The following PDE4D variants were observed in gnomAD, a reference collection of about 807,000 sequenced individuals.
PDE4D encodes 3',5'-cyclic-AMP phosphodiesterase 4D.
Under a neutral mutation model 87.4 loss-of-function variants are expected in PDE4D, and 24 were observed. The observed-to-expected ratio is 0.27, with a 90% CI of 0.20 to 0.39. The LOEUF is 0.39. PDE4D is among the 10% of genes least tolerant of loss of function. The pLI is 1.00. For missense variants in PDE4D, 714 were observed against 1,041.0 expected (o/e 0.69, Z 4.32); for synonymous variants, 384 against 383.2 (o/e 1.00, Z -0.02).
chr5:60,415,912 C>A lies in PDE4D; in HGVS notation c.-90+72030G>T, dbSNP rs533198438. 3.2e-4 allele frequency among the ~76,000 whole-genome samples: 49 copies of A among 152,354 alleles called. 1 individual carries two copies. The highest frequency in any genetic ancestry group is 3.2e-3 in the Admixed American group (49 of 15,308). The stretch of plus-strand genomic sequence containing the variant: ...GTGGGGACTTGGAGAATCTTTATGT[C>A]TAGCTAAGGGATTGTAAATGCACCA... On this transcript the variant is annotated intron_variant, in intron 1 of 16. Coordinates refer to the PDE4D transcript ENST00000502484.
intron 1 of PDE4D, among the ~76,000 whole-genome samples, chr5:59,462,572 A>C (rs191272230): frequency 6.6e-6 from 1 of 152,274 alleles, no homozygotes; most frequent in East Asian, 1.9e-4. Context: ...CTTCCTAAAC[A>C]TCAAAAATAT....
At chr5:59,026,173 C>CATGAAT (rs1353846613) in intron 6 of PDE4D, among the ~76,000 whole-genome samples, 1 of 152,158 alleles carries the variant, frequency 6.6e-6, no homozygotes, top group East Asian at 1.9e-4. Flanking sequence ...AGTTTATGAC[C>CATGAAT]ATGAATATGG....
chr5:60,358,047 T>G (rs1364953417), intron 1 of PDE4D, among the ~76,000 whole-genome samples: 1 of 152,176 alleles, frequency 6.6e-6, no homozygotes, highest in Non-Finnish European at 1.5e-5. Context: ...ATCAAAACCC[T>G]GTGGCACTGA....
chr5:59,102,156 G>A (rs926588303), intron 5 of PDE4D, among the ~76,000 whole-genome samples: 12 of 143,068 alleles, frequency 8.4e-5, no homozygotes, highest in African/African-American at 2.1e-4. Context: ...GTATGATCTC[G>A]GCTTACCACA....
At chr5:59,775,317 T>C (rs1336917124) in intron 1 of PDE4D, among the ~76,000 whole-genome samples, 1 of 152,196 alleles carries the variant, frequency 6.6e-6, no homozygotes, top group Admixed American at 6.5e-5. Context: ...AAAAATCCCA[T>C]ATCTCAATCT....
intron 1 of PDE4D, among the ~76,000 whole-genome samples, chr5:59,324,318 C>T (rs1000729334): frequency 1.3e-5 from 2 of 152,126 alleles, no homozygotes; most frequent in Non-Finnish European, 2.9e-5. Flanking sequence ...TCCTACTAGG[C>T]CCCCAGTGAA....
At chr5:59,933,227 G>A (rs1275841280) in intron 3 of PDE4D, among the ~76,000 whole-genome samples, 1 of 152,210 alleles carries the variant, frequency 6.6e-6, no homozygotes, top group Admixed American at 6.5e-5. Context: ...TACAGTTTGA[G>A]AAGATACTTC....
At chr5:59,147,308 T>C (rs1239133499) in intron 5 of PDE4D, among the ~76,000 whole-genome samples, 3 of 152,294 alleles carry the variant, frequency 2.0e-5, no homozygotes, top group East Asian at 3.9e-4. Flanking sequence ...CAAGACCACA[T>C]CTTAAGCTAC....
At chr5:59,878,596 A>C (rs907941405) in intron 1 of PDE4D, among the ~76,000 whole-genome samples, 2 of 152,180 alleles carry the variant, frequency 1.3e-5, no homozygotes, top group African/African-American at 4.8e-5. Flanking sequence ...TACAGGTATG[A>C]GCAACCATGC....
At chr5:59,186,695 A>T (rs1181782720) in intron 3 of PDE4D, among the ~76,000 whole-genome samples, 1 of 152,208 alleles carries the variant, frequency 6.6e-6, no homozygotes, top group Non-Finnish European at 1.5e-5. Flanking sequence ...ACAGTGACTT[A>T]GAGAATTTTC....
intron 1 of PDE4D, among the ~76,000 whole-genome samples, chr5:60,360,412 C>T (rs75525030): frequency 0.019 from 2,819 of 152,220 alleles, 74 homozygotes; most frequent in African/African-American, 0.065. Flanking sequence ...TTGAAAAAAG[C>T]TAAAGAAGAA....
intron 1 of PDE4D, among the ~76,000 whole-genome samples, chr5:59,429,435 A>C (rs1442867170): frequency 6.6e-6 from 1 of 151,442 alleles, no homozygotes; most frequent in Non-Finnish European, 1.5e-5. Context: ...ACATCCCTTC[A>C]TGTTTATAAT....
chr5:59,121,926 G>A (rs376346459), intron 5 of PDE4D, among the ~76,000 whole-genome samples: 2 of 152,014 alleles, frequency 1.3e-5, no homozygotes, highest in Non-Finnish European at 2.9e-5. Context: ...GGCGGATCAC[G>A]TGGTCAGGAG....
At chr5:59,281,427 T>C (rs1483326057) in intron 1 of PDE4D, among the ~76,000 whole-genome samples, 1 of 152,200 alleles carries the variant, frequency 6.6e-6, no homozygotes, top group African/African-American at 2.4e-5. Flanking sequence ...TAGAAATCTA[T>C]AAGTTCTACT....
chr5:59,468,818 CT>C (rs1321911013), intron 1 of PDE4D, among the ~76,000 whole-genome samples: 1 of 152,112 alleles, frequency 6.6e-6, no homozygotes. Flanking sequence ...ATAGGCCTAA[CT>C]TAGAGCTTCA....
At chr5:59,450,224 G>A (rs1015061328) in intron 1 of PDE4D, among the ~76,000 whole-genome samples, 1 of 152,208 alleles carries the variant, frequency 6.6e-6, no homozygotes, top group Non-Finnish European at 1.5e-5. Flanking sequence ...CACTTAGCGT[G>A]AAAGCAAATA....
chr5:59,403,338 A>G (rs560881154), intron 1 of PDE4D, among the ~76,000 whole-genome samples: 1 of 152,332 alleles, frequency 6.6e-6, no homozygotes, highest in Non-Finnish European at 1.5e-5. Flanking sequence ...TTTGAGATGT[A>G]TGATAAACTA....
At chr5:60,228,902 C>G (rs1347905659) in intron 1 of PDE4D, among the ~76,000 whole-genome samples, 2 of 151,970 alleles carry the variant, frequency 1.3e-5, no homozygotes, top group Non-Finnish European at 2.9e-5. Context: ...ACAAAACTAC[C>G]CAGCTGGGCC....
At chr5:60,494,808 C>T (rs1294231110) in intron 1 of PDE4D, among the ~76,000 whole-genome samples, 3 of 152,198 alleles carry the variant, frequency 2.0e-5, no homozygotes, top group African/African-American at 7.2e-5. Context: ...CATTTCAGGC[C>T]TCATGAAGCA....
Sources: gnomAD v4.1 joint callset for allele counts (sites outside exome capture counted in the v4.1 genomes callset) on GRCh38, gnomAD v4.1.1 for gene constraint, MANE v1.5 for transcripts, NCBI Gene and HGNC (gene_info 2026-07-23, HGNC 2026-07-21) for gene names.